Variants in NELL1 observed in about 807,000 individuals in gnomAD.
NELL1 encodes the protein protein kinase C-binding protein NELL1.
A neutral mutation model predicts 107.4 loss-of-function variants in NELL1; 76 were observed. The observed-to-expected ratio is 0.71, with a 90% confidence interval of 0.59 to 0.86. The LOEUF is 0.86. NELL1 is among the 40% of genes least tolerant of loss of function. The probability of loss-of-function intolerance (pLI) is 0.00; values close to 1 mark genes in which losing one functional copy is unlikely to be tolerated. For synonymous variants in NELL1, 353 were observed against 341.2 expected (o/e 1.03, Z -0.38); for missense variants, 1,024 against 1,005.5 (o/e 1.02, Z -0.25).
intron 12 of NELL1, among the ~76,000 whole-genome samples, chr11:21,088,572 A>T (rs1021297947): frequency 3.6e-4 from 55 of 152,214 alleles, no homozygotes; most frequent in African/African-American, 1.1e-3. Flanking sequence ...GCAACAAATC[A>T]TTTTTTTCTT....
chr11:21,150,790 T>C (rs935659793), intron 13 of NELL1, among the ~76,000 whole-genome samples: 4 of 152,296 alleles, frequency 2.6e-5, no homozygotes, highest in African/African-American at 9.6e-5. Flanking sequence ...CACACTGCTA[T>C]AAAGAACTAC....
chr11:21,566,099 GAC>G (rs1554935902), intron 17 of NELL1, among the ~76,000 whole-genome samples: 1 of 151,812 alleles, frequency 6.6e-6, no homozygotes, highest in Non-Finnish European at 1.5e-5. Context: ...GTGTGAAAAA[GAC>G]CCACAGACAA....
intron 14 of NELL1, among the ~76,000 whole-genome samples, chr11:21,233,983 A>C (rs922139723): frequency 6.6e-6 from 1 of 152,246 alleles, no homozygotes; most frequent in Admixed American, 6.5e-5. Flanking sequence ...CAGGGATTTC[A>C]CCATTTAGTG....
chr11:21,122,463 A>T (rs538334974), intron 13 of NELL1, among the ~76,000 whole-genome samples: 2 of 152,270 alleles, frequency 1.3e-5, no homozygotes, highest in Non-Finnish European at 2.9e-5. Flanking sequence ...GTACATGCAT[A>T]TCTATCTATC....
At chr11:21,310,272 A>C (rs115249263) in intron 14 of NELL1, among the ~76,000 whole-genome samples, 1 of 152,198 alleles carries the variant, frequency 6.6e-6, no homozygotes, top group South Asian at 2.1e-4. Flanking sequence ...CCTAATAAAT[A>C]ATACTAACAT....
intron 14 of NELL1, among the ~76,000 whole-genome samples, chr11:21,330,862 C>T (rs565031468): frequency 6.6e-6 from 1 of 151,954 alleles, no homozygotes; most frequent in African/African-American, 2.4e-5. Flanking sequence ...TATATTGGTA[C>T]AATTAATGGT....
intron 10 of NELL1, among the ~76,000 whole-genome samples, chr11:20,946,605 CTT>C (rs905451220): frequency 9.2e-5 from 14 of 152,314 alleles, no homozygotes; most frequent in African/African-American, 3.1e-4. Flanking sequence ...TGCCTTGGCT[CTT>C]TTCAGCTCTT....
intron 4 of NELL1, among the ~76,000 whole-genome samples, chr11:20,876,555 G>T (rs1409875524): frequency 6.6e-6 from 1 of 152,150 alleles, no homozygotes; most frequent in Non-Finnish European, 1.5e-5. Context: ...TCGAGGTCAG[G>T]AGATTGAGAC....
intron 13 of NELL1, among the ~76,000 whole-genome samples, chr11:21,207,553 T>G (rs1452294002): frequency 6.6e-6 from 1 of 152,190 alleles, no homozygotes; most frequent in Non-Finnish European, 1.5e-5. Context: ...TCTCTGCCAT[T>G]TTTGGAGTTC....
At chr11:20,705,067 C>T (rs899472359) in intron 2 of NELL1, among the ~76,000 whole-genome samples, 7 of 152,048 alleles carry the variant, frequency 4.6e-5, no homozygotes, top group South Asian at 2.1e-4. Context: ...GAATCAATAT[C>T]GTGAAAATGG....
chr11:21,575,106 TTTTG>T lies in NELL1; in HGVS notation c.*92_*95del, dbSNP rs900670971. ...AGGATAGGAATCGGTAGTTTGGTTT[TTTTG>T]TTTGTTTTGTTTTTTTAACCACAGA... On this transcript the variant is annotated 3_prime_UTR_variant, in exon 20 of 20. Coordinates refer to ENST00000357134, the MANE Select transcript of NELL1 (RefSeq NM_006157.5). 1.2e-5 allele frequency: 15 copies of T among 1,208,352 alleles called. No homozygotes were observed. The highest frequency in any genetic ancestry group is 2.5e-5 in the South Asian group (2 of 79,730). The allele number at this position is 1,208,352 out of a possible 1,614,324, so 74.9% of individuals were successfully genotyped here. A position where few individuals can be genotyped will look rare whatever the true frequency, so the allele number is the denominator to read the frequency against.
Position 21,218,364 on chromosome 11 carries a change from A to G in NELL1, c.1427-10968A>G, listed in dbSNP as rs147588287. On this transcript the variant is annotated intron_variant, in intron 13 of 19. Coordinates refer to ENST00000357134, the MANE Select transcript of NELL1 (RefSeq NM_006157.5). ...TTTTTAAATTTTTTTAAAAATTGACATGTAGTAAGTGTACATATTTATAAG... is the reference window on the plus strand; with the variant it reads ...TTTTTAAATTTTTTTAAAAATTGACGTGTAGTAAGTGTACATATTTATAAG... Among the ~76,000 whole-genome samples, 750 of 152,306 alleles carry G rather than the reference A, an allele frequency of 4.9e-3. 5 individuals are homozygous for G. The highest frequency in any genetic ancestry group is 0.015 in the African/African-American group (630 of 41,578).
chr11:21,566,099 G>A (rs1017532744), intron 17 of NELL1, among the ~76,000 whole-genome samples: 4 of 151,812 alleles, frequency 2.6e-5, no homozygotes, highest in Non-Finnish European at 2.9e-5. Context: ...GTGTGAAAAA[G>A]ACCCACAGAC....
chr11:21,566,332 C>A (rs1856972392), intron 17 of NELL1, among the ~76,000 whole-genome samples: 1 of 151,668 alleles, frequency 6.6e-6, no homozygotes, highest in African/African-American at 2.4e-5. Context: ...GTAAATATAT[C>A]AGTATTTACT....
chr11:20,977,363 C>A (rs1851659328), intron 12 of NELL1, among the ~76,000 whole-genome samples: 1 of 150,812 alleles, frequency 6.6e-6, no homozygotes, highest in East Asian at 2.0e-4. Context: ...CTCTCGGGTT[C>A]ACACCATTCT....
chr11:21,082,426 C>A (rs546925808), intron 12 of NELL1, among the ~76,000 whole-genome samples: 1 of 152,260 alleles, frequency 6.6e-6, no homozygotes, highest in African/African-American at 2.4e-5. Context: ...TCATAGTAAT[C>A]AAAGATGCAG....
rs115346714 is a variant in NELL1, at chr11:20,761,554, A to T, written c.185-22126A>T. ...TTTTGTAGTCTCAGCTTAATCTTAG[A>T]TTTGTTTGTAAAGCTCCACAAACAA... On this transcript the variant is annotated intron_variant, in intron 2 of 19. Transcript: ENST00000357134. Among the ~76,000 whole-genome samples the T allele has an allele frequency of 9.5e-3, 1,445 of 152,282 alleles. 28 individuals carry two copies. The highest frequency in any genetic ancestry group is 0.033 in the African/African-American group (1,376 of 41,536).
intron 3 of NELL1, among the ~76,000 whole-genome samples, chr11:20,826,312 C>T (rs1266787593): frequency 6.6e-6 from 1 of 151,038 alleles, no homozygotes; most frequent in Non-Finnish European, 1.5e-5. Context: ...TGATTCAGTC[C>T]CATTACCTCA....
intron 15 of NELL1, among the ~76,000 whole-genome samples, chr11:21,500,069 A>T (rs1855095935): frequency 6.6e-6 from 1 of 152,086 alleles, no homozygotes; most frequent in African/African-American, 2.4e-5. Context: ...TTTTATTCCA[A>T]ATTTTCTATA....
Sources: gnomAD v4.1 joint callset for allele counts (sites outside exome capture counted in the v4.1 genomes callset) on GRCh38, gnomAD v4.1.1 for gene constraint, MANE v1.5 for transcripts, NCBI Gene and HGNC (gene_info 2026-07-23, HGNC 2026-07-21) for gene names.